Variants in IMMP2L observed in about 807,000 individuals in gnomAD.
The protein encoded by IMMP2L is inner mitochondrial membrane peptidase subunit 2, also known as mitochondrial inner membrane protease subunit 2.
Under a neutral mutation model 19.3 loss-of-function variants are expected in IMMP2L, and 18 were observed. The observed-to-expected ratio is 0.93, with a 90% CI of 0.64 to 1.38. The LOEUF (loss-of-function observed/expected upper bound fraction) is 1.38, where lower values mean the gene tolerates loss of function less well. IMMP2L is among the 40% of genes most tolerant of loss of function. The probability of loss-of-function intolerance (pLI) is 0.00; values close to 1 mark genes in which losing one functional copy is unlikely to be tolerated. For synonymous variants in IMMP2L, 76 were observed against 73.0 expected, an observed-to-expected ratio of 1.04 and a Z score of -0.21; for missense variants, 233 against 218.2, an observed-to-expected ratio of 1.07 and a Z score of -0.43.
chr7:111,315,468 G>A (rs939382432), intron 3 of IMMP2L, among the ~76,000 whole-genome samples: 1 of 151,720 alleles, frequency 6.6e-6, no homozygotes, highest in South Asian at 2.1e-4. Context: ...AGACAGAAAC[G>A]ACATGGATTT....
intron 5 of IMMP2L, among the ~76,000 whole-genome samples, chr7:110,716,403 T>TA (rs1483462446): frequency 2.0e-5 from 3 of 152,102 alleles, no homozygotes; most frequent in Admixed American, 2.0e-4. Context: ...CTGAGGGCTA[T>TA]GTACGTAAGT....
At chr7:110,670,160 A>G (rs1791791986) in intron 5 of IMMP2L, among the ~76,000 whole-genome samples, 1 of 152,182 alleles carries the variant, frequency 6.6e-6, no homozygotes, top group Non-Finnish European at 1.5e-5. Context: ...ATTATGACAC[A>G]CAGAGAAACA....
intron 5 of IMMP2L, among the ~76,000 whole-genome samples, chr7:110,794,458 G>A (rs1466171617): frequency 6.6e-6 from 1 of 151,988 alleles, no homozygotes; most frequent in Non-Finnish European, 1.5e-5. Flanking sequence ...AAACTACGGA[G>A]ACAGTTTTGT....
intron 3 of IMMP2L, among the ~76,000 whole-genome samples, chr7:111,168,234 T>C (rs1415857399): frequency 6.6e-6 from 1 of 151,972 alleles, no homozygotes; most frequent in Non-Finnish European, 1.5e-5. Flanking sequence ...TTTGCAAAAA[T>C]AATCCAATTA....
chr7:111,116,488 T>A (rs1016554845), intron 3 of IMMP2L, among the ~76,000 whole-genome samples: 3 of 152,156 alleles, frequency 2.0e-5, no homozygotes, highest in African/African-American at 7.2e-5. Flanking sequence ...ACTATATAAA[T>A]TTTGAACAAT....
chr7:111,284,449 T>C (rs1051006557), intron 3 of IMMP2L, among the ~76,000 whole-genome samples: 5 of 151,610 alleles, frequency 3.3e-5, no homozygotes, highest in African/African-American at 7.3e-5. Flanking sequence ...GACTGAGAAA[T>C]TGGCCAAGAA....
intron 3 of IMMP2L, among the ~76,000 whole-genome samples, chr7:111,112,019 C>T (rs1217253726): frequency 1.5e-5 from 2 of 137,734 alleles, no homozygotes; most frequent in African/African-American, 2.8e-5. Context: ...GCGATCTCGG[C>T]TCACTGCAAC....
chr7:111,542,372 G>T (rs1848574116), intron 1 of IMMP2L, among the ~76,000 whole-genome samples: 1 of 152,012 alleles, frequency 6.6e-6, no homozygotes, highest in African/African-American at 2.4e-5. Flanking sequence ...CAGTAATACT[G>T]AAAATTGTTA....
chr7:110,664,306 T>C (rs1014495979), intron 5 of IMMP2L, among the ~76,000 whole-genome samples: 1 of 151,290 alleles, frequency 6.6e-6, no homozygotes. Flanking sequence ...GGTGTGAGAC[T>C]GGGTGGGCTG....
At chr7:111,527,859 A>G (rs1000325588) in intron 1 of IMMP2L, among the ~76,000 whole-genome samples, 15 of 152,086 alleles carry the variant, frequency 9.9e-5, no homozygotes, top group African/African-American at 3.1e-4. Flanking sequence ...TCTCAATCTG[A>G]TATGTGCTGA....
At chr7:111,281,354 G>A (rs1435489966) in intron 3 of IMMP2L, among the ~76,000 whole-genome samples, 1 of 152,054 alleles carries the variant, frequency 6.6e-6, no homozygotes, top group Non-Finnish European at 1.5e-5. Context: ...GAAACTTGCA[G>A]AAGATAAAGG....
In IMMP2L at chr7:111,412,998, C is replaced by G. The variant is rs183813651; in HGVS notation, c.239+74240G>C. Among the ~76,000 whole-genome samples, 33 of 151,498 alleles carry G rather than the reference C, an allele frequency of 2.2e-4. 1 individual carries two copies. The highest frequency in any genetic ancestry group is 7.8e-4 in the African/African-American group (32 of 41,128). On this transcript the variant is annotated intron_variant, in intron 3 of 5. Transcript: ENST00000405709. ...TTTAAATGATAAATAGCTAGATGAC[C>G]ATGGGAATAAAATAGAAAAGACACA...
At chr7:110,694,662 C>T (rs536609870) in intron 5 of IMMP2L, among the ~76,000 whole-genome samples, 1 of 151,826 alleles carries the variant, frequency 6.6e-6, no homozygotes, top group African/African-American at 2.4e-5. Context: ...AGAGATAGAG[C>T]GAATTTGGTG....
At chr7:111,477,372 T>C (rs1841807453) in intron 3 of IMMP2L, among the ~76,000 whole-genome samples, 1 of 152,172 alleles carries the variant, frequency 6.6e-6, no homozygotes, top group Non-Finnish European at 1.5e-5. Context: ...ATTTGTTTTG[T>C]ACATGAAGTC....
chr7:111,319,952 T>G (rs1824507497), intron 3 of IMMP2L, among the ~76,000 whole-genome samples: 1 of 152,064 alleles, frequency 6.6e-6, no homozygotes, highest in South Asian at 2.1e-4. Flanking sequence ...CTTAGTACTA[T>G]TAACTGGAGC....
At chr7:111,350,689 A>G (rs1828060473) in intron 3 of IMMP2L, among the ~76,000 whole-genome samples, 1 of 152,186 alleles carries the variant, frequency 6.6e-6, no homozygotes, top group Non-Finnish European at 1.5e-5. Context: ...TCCTTTCTAT[A>G]GAGTATTTTA....
At chr7:111,358,034 C>T (rs1357195521) in intron 3 of IMMP2L, among the ~76,000 whole-genome samples, 2 of 151,794 alleles carry the variant, frequency 1.3e-5, no homozygotes, top group Non-Finnish European at 2.9e-5. Context: ...AGAGTAGAAA[C>T]CCAATCTTTG....
intron 5 of IMMP2L, among the ~76,000 whole-genome samples, chr7:110,858,270 A>AT (rs956713903): frequency 2.0e-5 from 3 of 151,996 alleles, no homozygotes; most frequent in Non-Finnish European, 2.9e-5. Context: ...GGCTTGTTCT[A>AT]TTTTTCCCCC....
chr7:110,712,982 C>G (rs900075776), intron 5 of IMMP2L, among the ~76,000 whole-genome samples: 2 of 151,862 alleles, frequency 1.3e-5, no homozygotes, highest in African/African-American at 2.4e-5. Flanking sequence ...GCGTCACTCA[C>G]GCTGGGAGCT....
Sources: gnomAD v4.1 joint callset for allele counts (sites outside exome capture counted in the v4.1 genomes callset) on GRCh38, gnomAD v4.1.1 for gene constraint, MANE v1.5 for transcripts, NCBI Gene and HGNC (gene_info 2026-07-23, HGNC 2026-07-21) for gene names.